The following RBFOX1 variants were observed in gnomAD, a reference collection of about 807,000 sequenced individuals.
RBFOX1 encodes RNA binding protein fox-1 homolog 1.
RBFOX1 carries 8 observed loss-of-function variants against 57.7 expected under a neutral mutation model. The ratio of observed to expected loss-of-function variants is 0.14; its 90% CI spans 0.08 to 0.25. The LOEUF is 0.25. RBFOX1 is among the 10% of genes least tolerant of loss of function. The pLI is 1.00. For missense variants in RBFOX1, 611 were observed against 548.5 expected, an observed-to-expected ratio of 1.11 and a Z score of -1.14; for synonymous variants, 326 against 222.4, an observed-to-expected ratio of 1.47 and a Z score of -4.15.
chr16:5,399,117 T>A (rs1245819538), intron 1 of RBFOX1, among the ~76,000 whole-genome samples: 1 of 152,216 alleles, frequency 6.6e-6, no homozygotes, highest in African/African-American at 2.4e-5. Flanking sequence ...CTCAGAGGAC[T>A]AATAGGTATG....
rs184466694 is a variant in RBFOX1 at position 5,533,370 on chromosome 16, C to T, written c.259-65532C>T. Among the ~76,000 whole-genome samples, 260 of 152,188 alleles carry T rather than the reference C, an allele frequency of 1.7e-3. 3 individuals carry two copies. The Middle Eastern group carries it at 0.024, about 14-fold the overall frequency. ...AGGTGCCCCCAATAAATATTCCTGA[C>T]GGCAGAGATAAGAAGTAATCTTCAG... On this transcript the variant is annotated intron_variant, in intron 2 of 2. Coordinates refer to the RBFOX1 transcript ENST00000585867.
In RBFOX1 at chr16:5,534,814, C is replaced by G. The variant is rs1446537879; in HGVS notation, c.259-64088C>G. Among the ~76,000 whole-genome samples, 5 of 152,142 alleles carry G rather than the reference C, an allele frequency of 3.3e-5. No individual in the cohort carries two copies. In the East Asian group the frequency reaches 5.8e-4, roughly 18 times the overall value. ...AGAATCCTGAGTTATATCAGGCAAT[C>G]CAATCAAGTTGACACCTAACATCAA... On this transcript the variant is annotated intron_variant, in intron 2 of 2. Coordinates refer to the RBFOX1 transcript ENST00000585867.
At chr16:6,744,259 T>C (rs1344917075) in intron 3 of RBFOX1, among the ~76,000 whole-genome samples, 1 of 152,118 alleles carries the variant, frequency 6.6e-6, no homozygotes, top group African/African-American at 2.4e-5. Context: ...TAGCCAAATA[T>C]TTCAGTGCTA....
intron 1 of RBFOX1, among the ~76,000 whole-genome samples, chr16:6,191,041 G>T (rs539370926): frequency 6.6e-6 from 1 of 151,766 alleles, no homozygotes; most frequent in South Asian, 2.1e-4. Context: ...GCCAAGGTCT[G>T]TGTGGTTCCT....
chr16:7,361,386 A>G (rs2097316540), intron 4 of RBFOX1, among the ~76,000 whole-genome samples: 1 of 152,064 alleles, frequency 6.6e-6, no homozygotes, highest in African/African-American at 2.4e-5. Context: ...GAAGATTAAA[A>G]CCATTTTGCA....
At chr16:6,498,843 T>C (rs1308798835) in intron 2 of RBFOX1, among the ~76,000 whole-genome samples, 3 of 152,194 alleles carry the variant, frequency 2.0e-5, no homozygotes, top group African/African-American at 7.2e-5. Flanking sequence ...AAGATATGCA[T>C]GGTAAAAGCC....
At chr16:6,293,532 C>A (rs1567868042) in intron 1 of RBFOX1, among the ~76,000 whole-genome samples, 1 of 152,178 alleles carries the variant, frequency 6.6e-6, no homozygotes, top group Non-Finnish European at 1.5e-5. Flanking sequence ...ACCATTTTCT[C>A]CCTTCAGGGA....
chr16:5,272,255 G>T (rs997857450), intron 1 of RBFOX1, among the ~76,000 whole-genome samples: 1 of 152,172 alleles, frequency 6.6e-6, no homozygotes, highest in Non-Finnish European at 1.5e-5. Flanking sequence ...TAAATTAGGG[G>T]ATGGACATGT....
At chr16:5,319,519 A>T (rs1053336050) in intron 1 of RBFOX1, among the ~76,000 whole-genome samples, 24 of 152,190 alleles carry the variant, frequency 1.6e-4, no homozygotes, top group African/African-American at 5.1e-4. Flanking sequence ...CATCTCCAAG[A>T]ATCCTTTACT....
chr16:5,428,838 G>T (rs978574857), intron 1 of RBFOX1, among the ~76,000 whole-genome samples: 27 of 152,186 alleles, frequency 1.8e-4, no homozygotes, highest in African/African-American at 6.0e-4. Flanking sequence ...TGGGGACCAA[G>T]TGCTCAGGCA....
At chr16:6,981,872 G>C (rs373683240) in intron 3 of RBFOX1, among the ~76,000 whole-genome samples, 2 of 152,164 alleles carry the variant, frequency 1.3e-5, no homozygotes, top group African/African-American at 2.4e-5. Flanking sequence ...TGACATTTAA[G>C]TTGATTCCAC....
rs557223135 is a variant in RBFOX1, at chr16:5,764,771, G to C, written c.319-102532G>C. The stretch of plus-strand genomic sequence containing the variant: ...AAGTAAGGTGAAGAAAATCTGCCCT[G>C]CCTACCTGTCATTATAACCATCATC... On this transcript the variant is annotated intron_variant, in intron 3 of 19. Transcript: ENST00000641259. Among the ~76,000 whole-genome samples the C allele has an allele frequency of 4.0e-5, 6 of 151,272 alleles. No homozygotes were observed. In the East Asian group the frequency reaches 1.2e-3, roughly 30 times the overall value.
chr16:5,524,105 CA>C (rs2044137373), intron 2 of RBFOX1, among the ~76,000 whole-genome samples: 2 of 152,318 alleles, frequency 1.3e-5, no homozygotes, highest in African/African-American at 2.4e-5. Flanking sequence ...CCACCAGCCT[CA>C]CAGGATGCAA....
At chr16:6,315,461 ATGGGTGGATGGG>A (rs1301170285) in intron 1 of RBFOX1, among the ~76,000 whole-genome samples, 1 of 143,980 alleles carries the variant, frequency 6.9e-6, no homozygotes, top group African/African-American at 2.6e-5. Context: ...GAATCGGTGG[ATGGGTGGATGGG>A]TGGGTGGATG....
chr16:5,345,807 C>T (rs923041204), intron 1 of RBFOX1, among the ~76,000 whole-genome samples: 5 of 152,148 alleles, frequency 3.3e-5, no homozygotes, highest in African/African-American at 1.2e-4. Flanking sequence ...AACAAGGAGC[C>T]TTCTGTACAT....
At chr16:6,139,228 A>G (rs1226295861) in intron 1 of RBFOX1, among the ~76,000 whole-genome samples, 1 of 152,134 alleles carries the variant, frequency 6.6e-6, no homozygotes, top group Non-Finnish European at 1.5e-5. Flanking sequence ...CACTGAAATC[A>G]GTAGTTTTCA....
intron 2 of RBFOX1, among the ~76,000 whole-genome samples, chr16:6,548,004 C>A (rs922303374): frequency 1.3e-5 from 2 of 152,132 alleles, no homozygotes; most frequent in African/African-American, 4.8e-5. Context: ...TTAATCATAG[C>A]CCTTATTATC....
At chr16:6,627,634 G>A (rs1299138597) in intron 2 of RBFOX1, among the ~76,000 whole-genome samples, 1 of 152,130 alleles carries the variant, frequency 6.6e-6, no homozygotes, top group Non-Finnish European at 1.5e-5. Context: ...AAGAATATAA[G>A]ATGTTCTTGA....
intron 3 of RBFOX1, among the ~76,000 whole-genome samples, chr16:6,762,098 T>A (rs2076692502): frequency 6.6e-6 from 1 of 152,190 alleles, no homozygotes; most frequent in African/African-American, 2.4e-5. Context: ...TTCTGCTAGT[T>A]GAGTTACCTT....
Sources: allele counts gnomAD v4.1 joint callset (sites outside exome capture counted in the v4.1 genomes callset), GRCh38; gene constraint gnomAD v4.1.1; transcripts MANE v1.5; gene names NCBI Gene and HGNC (gene_info 2026-07-23, HGNC 2026-07-21).